Variants in AHCYL2 observed in about 807,000 individuals in gnomAD.
AHCYL2 encodes S-adenosylhomocysteine hydrolase-like protein 2.
A neutral mutation model predicts 81.4 loss-of-function variants in AHCYL2; 28 were observed. The observed-to-expected ratio is 0.34, with a 90% CI of 0.25 to 0.47. AHCYL2 has a LOEUF of 0.47. AHCYL2 is among the 20% of genes least tolerant of loss of function. The pLI is 1.00. For missense variants in AHCYL2, 551 were observed against 785.1 expected, an observed-to-expected ratio of 0.70 and a Z score of 3.56; for synonymous variants, 272 against 290.2, an observed-to-expected ratio of 0.94 and a Z score of 0.64.
At chr7:129,235,567 C>G (rs1794614748) in intron 1 of AHCYL2, among the ~76,000 whole-genome samples, 1 of 151,952 alleles carries the variant, frequency 6.6e-6, no homozygotes, top group Non-Finnish European at 1.5e-5. Flanking sequence ...GGACTACAGG[C>G]ACATGCCACC....
chr7:129,364,195 C>T (rs1794026857), intron 1 of AHCYL2, among the ~76,000 whole-genome samples: 1 of 152,104 alleles, frequency 6.6e-6, no homozygotes, highest in Non-Finnish European at 1.5e-5. Flanking sequence ...ATCACTGCAC[C>T]TCAGCCTGGA....
chr7:129,341,117 G>T (rs1414139392), intron 1 of AHCYL2, among the ~76,000 whole-genome samples: 1 of 152,152 alleles, frequency 6.6e-6, no homozygotes, highest in Non-Finnish European at 1.5e-5. Flanking sequence ...CAAAGTTTAT[G>T]CATGGCACAT....
At chr7:129,293,863 A>G (rs1243305920) in intron 1 of AHCYL2, among the ~76,000 whole-genome samples, 1 of 152,184 alleles carries the variant, frequency 6.6e-6, no homozygotes, top group African/African-American at 2.4e-5. Flanking sequence ...TGTATATAGT[A>G]TTGAGATTAA....
intron 1 of AHCYL2, among the ~76,000 whole-genome samples, chr7:129,254,798 T>C (rs1238929378): frequency 6.6e-5 from 10 of 152,160 alleles, no homozygotes; most frequent in African/African-American, 2.4e-4. Flanking sequence ...CTTTCTATTG[T>C]CTCTGAGGGT....
chr7:129,302,946 T>A (rs906594153), intron 1 of AHCYL2, among the ~76,000 whole-genome samples: 20 of 152,166 alleles, frequency 1.3e-4, no homozygotes, highest in African/African-American at 4.8e-4. Context: ...CTTCTTTAAA[T>A]GTTTGGTAAA....
intron 4 of AHCYL2, among the ~76,000 whole-genome samples, chr7:129,391,738 C>A (rs1204261104): frequency 6.6e-6 from 1 of 152,226 alleles, no homozygotes; most frequent in Non-Finnish European, 1.5e-5. Context: ...CAAAGCACAA[C>A]ACTTATGTGG....
intron 1 of AHCYL2, among the ~76,000 whole-genome samples, chr7:129,370,596 G>A (rs541583783): frequency 6.6e-6 from 1 of 152,326 alleles, no homozygotes; most frequent in Non-Finnish European, 1.5e-5. Flanking sequence ...TACTCTGGAG[G>A]CTGAGGCAGG....
chr7:129,290,503 A>G (rs1275987448), intron 1 of AHCYL2, among the ~76,000 whole-genome samples: 13 of 150,870 alleles, frequency 8.6e-5, no homozygotes, highest in Non-Finnish European at 1.5e-5. Flanking sequence ...TCTGTCTCAA[A>G]AAAAAAAAAA....
intron 1 of AHCYL2, among the ~76,000 whole-genome samples, chr7:129,304,692 TAC>T (rs1797365587): frequency 1.3e-5 from 2 of 152,342 alleles, no homozygotes; most frequent in African/African-American, 4.8e-5. Context: ...CTGATACAAA[TAC>T]AGTTAGTCTT....
chr7:129,331,581 T>C (rs1798423031), intron 1 of AHCYL2, among the ~76,000 whole-genome samples: 1 of 152,250 alleles, frequency 6.6e-6, no homozygotes. Flanking sequence ...AGTGGCTCCA[T>C]GCCTGTAATC....
chr7:129,349,651 CAAAAAA>C (rs34969591), intron 1 of AHCYL2, among the ~76,000 whole-genome samples: 10 of 86,080 alleles, frequency 1.2e-4, no homozygotes, highest in South Asian at 4.7e-4. Context: ...GACTCTGTTT[CAAAAAA>C]AAAAAAAAAA....
intron 7 of AHCYL2, among the ~76,000 whole-genome samples, chr7:129,404,832 T>A (rs1193877633): frequency 1.3e-5 from 2 of 152,208 alleles, no homozygotes; most frequent in Non-Finnish European, 2.9e-5. Context: ...CCACTTTTTA[T>A]AGTCTCCAGT....
chr7:129,390,314 G>A (rs1022349207), intron 4 of AHCYL2, among the ~76,000 whole-genome samples: 1 of 152,206 alleles, frequency 6.6e-6, no homozygotes, highest in African/African-American at 2.4e-5. Context: ...ACAGAAGGAT[G>A]TGCACAGATT....
chr7:129,259,367 T>A (rs888028108), intron 1 of AHCYL2, among the ~76,000 whole-genome samples: 10 of 152,174 alleles, frequency 6.6e-5, no homozygotes, highest in Non-Finnish European at 1.3e-4. Context: ...TATTTTAAAA[T>A]TTTTTTCAAT....
chr7:129,261,731 C>T (rs1795651429), intron 1 of AHCYL2, among the ~76,000 whole-genome samples: 1 of 152,078 alleles, frequency 6.6e-6, no homozygotes, highest in Non-Finnish European at 1.5e-5. Context: ...TAAAATTGCA[C>T]TTTATTGTTT....
intron 1 of AHCYL2, among the ~76,000 whole-genome samples, chr7:129,352,878 T>C (rs1279793917): frequency 6.7e-6 from 1 of 150,040 alleles, no homozygotes; most frequent in East Asian, 2.0e-4. Context: ...ATACATAGAA[T>C]AAAATTCAAA....
intron 1 of AHCYL2, among the ~76,000 whole-genome samples, chr7:129,378,372 T>C (rs1156471645): frequency 6.6e-6 from 1 of 152,178 alleles, no homozygotes; most frequent in African/African-American, 2.4e-5. Flanking sequence ...TTTAAAAAGC[T>C]TTAACAAATT....
chr7:129,425,493 A>G (rs1446371868), intron 15 of AHCYL2, among the ~76,000 whole-genome samples: 3 of 152,192 alleles, frequency 2.0e-5, no homozygotes, highest in African/African-American at 4.8e-5. Flanking sequence ...ACTTACTCCA[A>G]TTCTAGGCTG....
Position 129,373,046 on chromosome 7 carries a change from C to T in AHCYL2, c.364-6592C>T, listed in dbSNP as rs770629255. 1.7e-4 allele frequency among the ~76,000 whole-genome samples: 26 copies of T among 151,960 alleles called. No individual in the cohort carries two copies. The East Asian group carries it at 3.1e-3, about 18-fold the overall frequency. ...TCAGACTGGTAGCATCAGCGTCTCCCGGGGAGTTACTCAAAACACAAAATC... is the reference window on the plus strand; with the variant it reads ...TCAGACTGGTAGCATCAGCGTCTCCTGGGGAGTTACTCAAAACACAAAATC... On this transcript the variant is annotated intron_variant, in intron 1 of 16. Transcript: ENST00000325006.
Sources: allele counts gnomAD v4.1 joint callset (sites outside exome capture counted in the v4.1 genomes callset), GRCh38; gene constraint gnomAD v4.1.1; transcripts MANE v1.5; gene names NCBI Gene and HGNC (gene_info 2026-07-23, HGNC 2026-07-21).